ATRNL1: variants seen among roughly 807,000 people sequenced by gnomAD.
ATRNL1 encodes attractin like 1, also known as attractin-like protein 1.
ATRNL1 carries 95 observed loss-of-function variants against 182.7 expected under a neutral mutation model. That is an observed-to-expected ratio of 0.52 (90% CI 0.44 to 0.62). The LOEUF is 0.62. ATRNL1 is among the 20% of genes least tolerant of loss of function. The pLI, the probability that ATRNL1 is intolerant of heterozygous loss-of-function variation, is 0.00. For missense variants in ATRNL1, 1,471 were observed against 1,679.5 expected (o/e 0.88, Z 2.17); for synonymous variants, 576 against 568.3 (o/e 1.01, Z -0.19).
chr10:115,210,609 G>A (rs1411726548), intron 8 of ATRNL1, among the ~76,000 whole-genome samples: 1 of 151,846 alleles, frequency 6.6e-6, no homozygotes, highest in African/African-American at 2.4e-5. Context: ...TAAGTCTGCT[G>A]TTTTATTATT....
chr10:115,791,457 T>G (rs1330029232), intron 27 of ATRNL1, among the ~76,000 whole-genome samples: 2 of 152,150 alleles, frequency 1.3e-5, no homozygotes, highest in Non-Finnish European at 2.9e-5. Flanking sequence ...TCCCTGGGTG[T>G]TCGGAAAGGT....
At chr10:115,251,228 A>T (rs1850863165) in intron 10 of ATRNL1, among the ~76,000 whole-genome samples, 1 of 152,094 alleles carries the variant, frequency 6.6e-6, no homozygotes, top group Admixed American at 6.6e-5. Flanking sequence ...CATTATTTAG[A>T]TTCTTTAGGG....
chr10:115,161,454 A>G (rs1185522732), intron 6 of ATRNL1, among the ~76,000 whole-genome samples: 7 of 152,132 alleles, frequency 4.6e-5, no homozygotes, highest in South Asian at 2.1e-4. Flanking sequence ...GAAATTAACT[A>G]TGTTTAAAGA....
intron 27 of ATRNL1, among the ~76,000 whole-genome samples, chr10:115,784,606 G>A (rs1485153078): frequency 6.6e-6 from 1 of 152,112 alleles, no homozygotes; most frequent in Non-Finnish European, 1.5e-5. Flanking sequence ...ATGTCAACAG[G>A]GTTGGTTTCT....
intron 26 of ATRNL1, among the ~76,000 whole-genome samples, chr10:115,553,340 G>T (rs1271778583): frequency 2.0e-5 from 3 of 151,344 alleles, no homozygotes; most frequent in Non-Finnish European, 4.5e-5. Context: ...TATTACTAGT[G>T]AGTCTGAGTA....
intron 27 of ATRNL1, among the ~76,000 whole-genome samples, chr10:115,778,039 A>C (rs980272661): frequency 3.9e-5 from 6 of 152,176 alleles, no homozygotes; most frequent in Admixed American, 2.6e-4. Flanking sequence ...AGTAATGTTC[A>C]GGGGCCGGAC....
chr10:115,412,700 A>G (rs1554960174), intron 20 of ATRNL1, among the ~76,000 whole-genome samples: 1 of 152,188 alleles, frequency 6.6e-6, no homozygotes, highest in Non-Finnish European at 1.5e-5. Context: ...AATAATTTCA[A>G]CAATGCAGAT....
At position 115,273,424 on chromosome 10, in the gene ATRNL1, C is replaced by A. The variant is rs190259084; in HGVS notation, c.2100+4980C>A. On this transcript the variant is annotated intron_variant, in intron 13 of 28. Coordinates refer to ENST00000355044, the MANE Select transcript of ATRNL1 (RefSeq NM_207303.4). ...GAGATCTGTCCGCATCCCTTTTCCA[C>A]AATTTTTTTTTTTGTCACCAATTTT... Among the ~76,000 whole-genome samples, 412 of 151,918 alleles carry A rather than the reference C, an allele frequency of 2.7e-3. 3 individuals are homozygous for A. Among genetic ancestry groups the A allele is most frequent in the African/African-American group, 9.5e-3 (393 of 41,244 alleles).
At chr10:115,894,056 T>A (rs1224803802) in intron 28 of ATRNL1, among the ~76,000 whole-genome samples, 2 of 152,166 alleles carry the variant, frequency 1.3e-5, no homozygotes, top group Non-Finnish European at 2.9e-5. Flanking sequence ...AGACTTCAGT[T>A]GGCAAGGAAG....
intron 26 of ATRNL1, among the ~76,000 whole-genome samples, chr10:115,639,416 A>G (rs1455119906): frequency 2.0e-5 from 3 of 152,222 alleles, no homozygotes; most frequent in African/African-American, 7.2e-5. Flanking sequence ...TGGAAAGGAA[A>G]TGACAAAGGA....
intron 25 of ATRNL1, among the ~76,000 whole-genome samples, chr10:115,525,030 T>C (rs1182548109): frequency 6.6e-6 from 1 of 152,174 alleles, no homozygotes; most frequent in Non-Finnish European, 1.5e-5. Context: ...TACCCACTTT[T>C]CAAAATGTTT....
intron 13 of ATRNL1, among the ~76,000 whole-genome samples, chr10:115,276,149 TC>T (rs1237313652): frequency 6.6e-6 from 1 of 152,006 alleles, no homozygotes; most frequent in Non-Finnish European, 1.5e-5. Context: ...TTTCACTGCT[TC>T]CTCCCCTGGT....
At chr10:115,202,751 T>C (rs1554892757) in intron 8 of ATRNL1, among the ~76,000 whole-genome samples, 1 of 146,880 alleles carries the variant, frequency 6.8e-6, no homozygotes, top group Non-Finnish European at 1.5e-5. Flanking sequence ...CCTCATAAAA[T>C]GAGTTAGGGA....
intron 7 of ATRNL1, 97 bp from the exon 8 acceptor site, chr10:115,170,940 T>G: frequency 1.4e-6 from 1 of 713,212 alleles, no homozygotes; most frequent in South Asian, 5.0e-5. Context: ...TGTGAACAAT[T>G]ACTAAAATTT....
At chr10:115,613,896 T>A (rs1160657044) in intron 26 of ATRNL1, among the ~76,000 whole-genome samples, 1 of 152,042 alleles carries the variant, frequency 6.6e-6, no homozygotes, top group Non-Finnish European at 1.5e-5. Flanking sequence ...TGTTTTTATT[T>A]GGGTCTCCAC....
intron 26 of ATRNL1, among the ~76,000 whole-genome samples, chr10:115,727,003 G>T (rs1947618464): frequency 6.6e-6 from 1 of 151,954 alleles, no homozygotes; most frequent in South Asian, 2.1e-4. Context: ...CATTGTATTA[G>T]GCCTGCAGGA....
rs147737251 is a variant in ATRNL1 at position 115,709,601 on chromosome 10, T to C, written c.3796-17647T>C. On this transcript the variant is annotated intron_variant, in intron 26 of 28. Coordinates refer to ENST00000355044, the MANE Select transcript of ATRNL1 (RefSeq NM_207303.4). ...GTGAGAGATTTGAAGAAAAAGAAGG[T>C]AGAAAAGAAGAGCAATGTATAGACT... is the stretch of plus-strand genomic sequence containing the variant. Among the ~76,000 whole-genome samples, 989 of 151,880 alleles carry C rather than the reference T, an allele frequency of 6.5e-3. 9 individuals carry two copies. Among genetic ancestry groups the C allele is most frequent in the African/African-American group, 0.023 (948 of 41,486 alleles).
rs1851569350 is a variant in ATRNL1 at position 115,265,411 on chromosome 10, A to G, written c.1772+134A>G. 7.8e-6 allele frequency: 4 copies of G among 512,302 alleles called. No homozygotes were observed. The South Asian group carries it at 1.7e-4, about 22-fold the overall frequency. The allele number at this position is 512,302 out of a possible 1,614,324, so 31.7% of individuals were successfully genotyped here. ...ATTTTATGCATCTCTTCTCTACCAT[A>G]GAATGCATTTTGATTTGTCAATCAT... On this transcript the variant is annotated intron_variant, in intron 11 of 28. Coordinates refer to ENST00000355044, the MANE Select transcript of ATRNL1 (RefSeq NM_207303.4).
chr10:115,272,940 G>A (rs1554913691), intron 13 of ATRNL1, among the ~76,000 whole-genome samples: 1 of 152,182 alleles, frequency 6.6e-6, no homozygotes, highest in African/African-American at 2.4e-5. Context: ...TAAGTTTACT[G>A]ATGGCAGTTA....
Sources: allele counts gnomAD v4.1 joint callset (sites outside exome capture counted in the v4.1 genomes callset), GRCh38; gene constraint gnomAD v4.1.1; transcripts MANE v1.5; gene names NCBI Gene and HGNC (gene_info 2026-07-23, HGNC 2026-07-21).